The following C1orf185 variants were observed in gnomAD, a reference collection of about 807,000 sequenced individuals.
The protein encoded by C1orf185 is uncharacterized protein C1orf185.
A neutral mutation model predicts 16.1 loss-of-function variants in C1orf185; 13 were observed. The observed-to-expected ratio is 0.81, with a 90% CI of 0.53 to 1.28. The LOEUF is 1.28. Among genes scored for constraint, C1orf185 ranks in the 50% most tolerant of loss-of-function variants. The pLI, the probability that C1orf185 is intolerant of heterozygous loss-of-function variation, is 0.00. For synonymous variants in C1orf185, 80 were observed against 76.9 expected (o/e 1.04, Z -0.21); for missense variants, 220 against 225.2 (o/e 0.98, Z 0.15).
intron 3 of C1orf185, among the ~76,000 whole-genome samples, chr1:51,125,787 A>G (rs1453208353): frequency 6.6e-6 from 1 of 152,192 alleles, no homozygotes; most frequent in Non-Finnish European, 1.5e-5. Context: ...TGAAGGAGAT[A>G]GAAAAATGTA....
At chr1:51,138,727 G>A (rs189708015) in intron 3 of C1orf185, among the ~76,000 whole-genome samples, 166 of 151,378 alleles carry the variant, frequency 1.1e-3, no homozygotes, top group Admixed American at 2.5e-3. Context: ...TTGCTCTATC[G>A]CCCAGGCTGT....
At chr1:51,137,529 CA>C (rs905493939) in intron 3 of C1orf185, among the ~76,000 whole-genome samples, 4 of 147,910 alleles carry the variant, frequency 2.7e-5, no homozygotes, top group African/African-American at 7.5e-5. Context: ...GACTCTGTCT[CA>C]AAAAAAAATA....
intron 3 of C1orf185, among the ~76,000 whole-genome samples, chr1:51,126,749 C>T (rs1295405938): frequency 6.6e-6 from 1 of 152,062 alleles, no homozygotes; most frequent in Non-Finnish European, 1.5e-5. Context: ...ACTAAGAAAC[C>T]AACACTGGTA....
Position 51,147,762 on chromosome 1 carries a change from C to A in C1orf185, c.591C>A (p.Asp197Glu). 6.6e-7 allele frequency: 1 copy of A among 1,516,408 alleles called. No individual in the cohort carries two copies. The allele number at this position is 1,516,408 out of a possible 1,614,324, so 93.9% of individuals were successfully genotyped here. A position where few individuals can be genotyped will look rare whatever the true frequency, so the allele number is the denominator to read the frequency against. ...AGGGTACTGAAAGTGTACTGAATGA[C>A]ACTTTATGACCATCAAAAAGATGAC... is the stretch of plus-strand genomic sequence containing the variant. ...LEEGTESVLN[D>E]TL Residue 197 changes from aspartate to glutamate, a missense_variant, in exon 5 of 5, where the codon GAC (aspartate) becomes GAA (glutamate). Transcript: ENST00000371759.
At position 51,104,606 on chromosome 1, in the gene C1orf185, T is replaced by A. The variant is rs148728903; in HGVS notation, c.16+2357T>A. 3.8e-3 allele frequency among the ~76,000 whole-genome samples: 577 copies of A among 152,246 alleles called. 6 individuals carry two copies. Among genetic ancestry groups the A allele is most frequent in the African/African-American group, 0.013 (540 of 41,558 alleles). On this transcript the variant is annotated intron_variant, in intron 1 of 4. Coordinates refer to ENST00000371759, the MANE Select transcript of C1orf185 (RefSeq NM_001136508.2). ...TGTGGAAATAGAAGTTGTATGGAAG[T>A]AGAAATTTTTATTTTAAGAAGTTTG...
At chr1:51,103,485 G>T (rs1327335058) in intron 1 of C1orf185, among the ~76,000 whole-genome samples, 1 of 146,900 alleles carries the variant, frequency 6.8e-6, no homozygotes, top group African/African-American at 2.5e-5. Context: ...GTTGAGTCTT[G>T]CTTTATGGCC....
chr1:51,130,350 TC>T (rs1557649669), intron 3 of C1orf185, among the ~76,000 whole-genome samples: 4 of 146,092 alleles, frequency 2.7e-5, no homozygotes, highest in Admixed American at 6.6e-5. Context: ...TTTCTTTCTT[TC>T]TTTTTTTTTT....
intron 3 of C1orf185, among the ~76,000 whole-genome samples, chr1:51,137,603 G>A (rs1646334849): frequency 6.6e-6 from 1 of 152,166 alleles, no homozygotes; most frequent in African/African-American, 2.4e-5. Context: ...ACACTGTTAT[G>A]GGAGTGTAAA....
chr1:51,122,761 C>A (rs978307443), intron 3 of C1orf185, among the ~76,000 whole-genome samples: 4 of 152,170 alleles, frequency 2.6e-5, no homozygotes, highest in Non-Finnish European at 4.4e-5. Context: ...TCTGCTCTAA[C>A]CCCTGGCAAC....
chr1:51,110,105 A>G (rs1362831987), intron 1 of C1orf185, among the ~76,000 whole-genome samples: 5 of 152,144 alleles, frequency 3.3e-5, no homozygotes, highest in Non-Finnish European at 7.4e-5. Context: ...AATTACTACT[A>G]TTCCCCCACT....
chr1:51,140,339 G>C (rs1646356465), intron 3 of C1orf185, among the ~76,000 whole-genome samples: 1 of 152,076 alleles, frequency 6.6e-6, no homozygotes, highest in African/African-American at 2.4e-5. Flanking sequence ...TCTTTCAATG[G>C]ATTCTAGGTT....
chr1:51,131,856 T>G (rs1646288095), intron 3 of C1orf185, among the ~76,000 whole-genome samples: 1 of 152,068 alleles, frequency 6.6e-6, no homozygotes, highest in South Asian at 2.1e-4. Flanking sequence ...ACACCACCCA[T>G]TAGAGTGTAG....
chr1:51,122,575 T>A (rs1570302715), intron 3 of C1orf185, among the ~76,000 whole-genome samples: 1 of 152,206 alleles, frequency 6.6e-6, no homozygotes, highest in Non-Finnish European at 1.5e-5. Context: ...TATGCTACTA[T>A]TGATGAACCC....
chr1:51,140,880 T>C (rs1361827047), intron 3 of C1orf185, among the ~76,000 whole-genome samples: 7 of 152,234 alleles, frequency 4.6e-5, no homozygotes, highest in Non-Finnish European at 8.8e-5. Context: ...CTAATTGTTC[T>C]GGCTAGAGTT....
intron 3 of C1orf185, among the ~76,000 whole-genome samples, chr1:51,132,000 T>A (rs879289658): frequency 6.6e-6 from 1 of 152,174 alleles, no homozygotes; most frequent in African/African-American, 2.4e-5. Flanking sequence ...GAGCTGAGGA[T>A]TGGCTGCCTA....
chr1:51,134,822 C>T (rs1646311525), intron 3 of C1orf185, among the ~76,000 whole-genome samples: 1 of 152,130 alleles, frequency 6.6e-6, no homozygotes, highest in African/African-American at 2.4e-5. Context: ...ACTGAACAGA[C>T]CAATAATAAG....
chr1:51,103,135 G>A (rs1646043658), intron 1 of C1orf185, among the ~76,000 whole-genome samples: 1 of 152,082 alleles, frequency 6.6e-6, no homozygotes, highest in Admixed American at 6.6e-5. Context: ...GCCAGGTACA[G>A]TGGCTCTCAC....
At position 51,104,997 on chromosome 1, in the gene C1orf185, C is replaced by G. The variant is rs536848622; in HGVS notation, c.16+2748C>G. Among the ~76,000 whole-genome samples, 147 of 151,014 alleles carry G rather than the reference C, an allele frequency of 9.7e-4. 1 individual carries two copies. The highest frequency in any genetic ancestry group is 3.4e-3 in the African/African-American group (141 of 41,086). ...TTTTTTTTTTTGAGATGGAGTCTTGCTCTGTCACCCAGGCTGGAGGTGCAA... is the reference window on the plus strand; with the variant it reads ...TTTTTTTTTTTGAGATGGAGTCTTGGTCTGTCACCCAGGCTGGAGGTGCAA... On this transcript the variant is annotated intron_variant, in intron 1 of 4. Coordinates refer to ENST00000371759, the MANE Select transcript of C1orf185 (RefSeq NM_001136508.2).
At chr1:51,126,092 T>C (rs980230468) in intron 3 of C1orf185, among the ~76,000 whole-genome samples, 1 of 152,158 alleles carries the variant, frequency 6.6e-6, no homozygotes, top group Non-Finnish European at 1.5e-5. Context: ...AATTTTTCCA[T>C]TCTGGTCAGC....
Sources: allele counts gnomAD v4.1 joint callset (sites outside exome capture counted in the v4.1 genomes callset), GRCh38; gene constraint gnomAD v4.1.1; transcripts MANE v1.5; gene names NCBI Gene and HGNC (gene_info 2026-07-23, HGNC 2026-07-21).